KAT6A: variants seen among roughly 807,000 people sequenced by gnomAD.
KAT6A encodes the protein histone acetyltransferase KAT6A.
Under a neutral mutation model 198.4 loss-of-function variants are expected in KAT6A, and 9 were observed. The ratio of observed to expected loss-of-function variants is 0.05; its 90% CI spans 0.03 to 0.08. The LOEUF is 0.08. Among genes scored for constraint, KAT6A ranks in the 10% least tolerant of loss-of-function variants. KAT6A has a pLI of 1.00. For missense variants in KAT6A, 2,077 were observed against 2,509.9 expected, an observed-to-expected ratio of 0.83 and a Z score of 3.69; for synonymous variants, 890 against 883.0, an observed-to-expected ratio of 1.01 and a Z score of -0.14.
intron 8 of KAT6A, among the ~76,000 whole-genome samples, chr8:41,959,116 G>C (rs932793997): frequency 1.4e-5 from 2 of 145,692 alleles, no homozygotes; most frequent in African/African-American, 5.2e-5. Context: ...AGCCCAGATC[G>C]CGCCACTGCA....
chr8:41,953,315 C>T (rs1822757709), intron 9 of KAT6A, among the ~76,000 whole-genome samples: 1 of 152,132 alleles, frequency 6.6e-6, no homozygotes, highest in Admixed American at 6.5e-5. Context: ...TTCCATCTAT[C>T]TGTACTATAG....
rs758749446 is a variant in KAT6A, at chr8:41,933,753, G to T, written c.4467C>A (p.His1489Gln). ...HNSPISSVQS[H>Q]PSQSVRSVSS... ...TGACCGAACGGACTGACTGGCTGGG[G>T]TGAGACTGAACGGAGGAGATAGGGC... is the stretch of plus-strand genomic sequence containing the variant. The change falls in exon 17 of 17, where the codon CAC becomes CAA. Residue 1489 changes from histidine (H) to glutamine (Q), a missense_variant. Physicochemically the swap from His to Gln is conservative, Grantham distance 24. Around this residue, in one of 13 missense-constraint regions of KAT6A, gnomAD observed 178 missense variants for 220.8 expected, o/e 0.81. Coordinates refer to ENST00000265713, the MANE Select transcript of KAT6A (RefSeq NM_006766.5). This position sits in a 1 kb window ranked among gnomAD's most constrained non-coding sequence, Gnocchi z 6.2. 1.2e-6 allele frequency: 2 copies of T among 1,614,126 alleles called. No individual in the cohort carries two copies. The highest frequency in any genetic ancestry group is 1.1e-5 in the South Asian group (1 of 91,078).
intron 14 of KAT6A, among the ~76,000 whole-genome samples, chr8:41,941,831 G>A (rs1479396978): frequency 6.6e-6 from 1 of 152,154 alleles, no homozygotes; most frequent in African/African-American, 2.4e-5. Context: ...AATAAGCAAA[G>A]TGAATACTAT....
At chr8:41,975,495 G>A (rs987429113) in intron 7 of KAT6A, among the ~76,000 whole-genome samples, 3 of 152,118 alleles carry the variant, frequency 2.0e-5, no homozygotes, top group African/African-American at 7.2e-5. Context: ...TATAAGTATG[G>A]CTGAAAAGAC....
At chr8:42,043,720 C>A (rs923379625) in intron 2 of KAT6A, 3 of 152,150 alleles carry the variant, frequency 2.0e-5, no homozygotes, top group African/African-American at 7.2e-5. Flanking sequence ...GCAGTGATAG[C>A]CATCATACAT....
intron 9 of KAT6A, among the ~76,000 whole-genome samples, chr8:41,953,196 T>C (rs1400917132): frequency 6.6e-6 from 1 of 152,226 alleles, no homozygotes; most frequent in East Asian, 1.9e-4. Context: ...GAAAACAGTT[T>C]ATGATTCCAT....
chr8:41,933,946 A>G lies in KAT6A; in HGVS notation c.4274T>C (p.Val1425Ala), dbSNP rs1357562431. The G allele has an allele frequency of 1.9e-6, 3 of 1,613,834 alleles. No homozygotes were observed. Among genetic ancestry groups the G allele is most frequent in the Non-Finnish European group, 2.5e-6 (3 of 1,179,940 alleles). ...TTGAGTCAAAGACTGCACTGCCTGT[A>G]CAGTTTCCAGATCCAGCTCACTATG... Reference protein sequence around the residue: ...IPHSELDLETVQAVQSLTQEE... With the variant: ...IPHSELDLETAQAVQSLTQEE... The change falls in exon 17 of 17, where the codon GTA (valine) becomes GCA (alanine). Residue 1425 changes from valine to alanine, a missense_variant. Val to Ala is a moderately conservative substitution (Grantham distance 64). Coordinates refer to ENST00000265713, the MANE Select transcript of KAT6A (RefSeq NM_006766.5). This position sits in a 1 kb window ranked among gnomAD's most constrained non-coding sequence, Gnocchi z 6.2.
intron 8 of KAT6A, among the ~76,000 whole-genome samples, chr8:41,973,950 A>C (rs1162638175): frequency 6.6e-6 from 1 of 152,190 alleles, no homozygotes; most frequent in Non-Finnish European, 1.5e-5. Flanking sequence ...CATATTAATG[A>C]CATTACTTAT....
At chr8:41,957,677 C>A in intron 8 of KAT6A, 1 of 176,110 alleles carries the variant, frequency 5.7e-6, no homozygotes, top group South Asian at 1.2e-4. Context: ...AGATAACTAA[C>A]AGGGGGTAGC....
chr8:41,941,689 G>C (rs1000677971), intron 14 of KAT6A, among the ~76,000 whole-genome samples: 1 of 152,054 alleles, frequency 6.6e-6, no homozygotes, highest in Non-Finnish European at 1.5e-5. Context: ...TTACAAATGA[G>C]GCATGTGGGG....
At chr8:42,043,630 G>A (rs904863722) in intron 2 of KAT6A, 8 of 152,048 alleles carry the variant, frequency 5.3e-5, no homozygotes, top group South Asian at 2.1e-4. Flanking sequence ...CAATGAAGAC[G>A]GGCGGGAATT....
chr8:42,024,240 T>C (rs1191936022), intron 2 of KAT6A, among the ~76,000 whole-genome samples: 2 of 152,190 alleles, frequency 1.3e-5, no homozygotes, highest in African/African-American at 4.8e-5. Context: ...ACAAACATGC[T>C]GAGTAGTGCA....
intron 3 of KAT6A, among the ~76,000 whole-genome samples, chr8:41,983,798 T>C (rs771506794): frequency 2.1e-4 from 32 of 152,270 alleles, no homozygotes; most frequent in African/African-American, 7.0e-4. Context: ...AGGTCTGTTA[T>C]ATTTCAATTG....
chr8:41,989,768 A>T (rs965985355), intron 2 of KAT6A, among the ~76,000 whole-genome samples: 1 of 152,166 alleles, frequency 6.6e-6, no homozygotes, highest in African/African-American at 2.4e-5. Context: ...TGAAGAAGAG[A>T]GCTAAGGTGA....
chr8:42,004,987 G>GT (rs1825670723), intron 2 of KAT6A, among the ~76,000 whole-genome samples: 1 of 151,164 alleles, frequency 6.6e-6, no homozygotes, highest in African/African-American at 2.4e-5. Context: ...CAGTAGCCTT[G>GT]TAAGTCTAGC....
intron 9 of KAT6A, among the ~76,000 whole-genome samples, chr8:41,950,856 T>C (rs1253381256): frequency 6.6e-6 from 1 of 152,140 alleles, no homozygotes; most frequent in African/African-American, 2.4e-5. Context: ...TTGTACATGA[T>C]AAATATATAC....
chr8:42,018,351 A>G (rs1416702617), intron 2 of KAT6A, among the ~76,000 whole-genome samples: 1 of 151,968 alleles, frequency 6.6e-6, no homozygotes, highest in Non-Finnish European at 1.5e-5. Flanking sequence ...GTCTCTACTA[A>G]AATACAAAAA....
At chr8:41,974,100 C>G (rs942905523) in intron 8 of KAT6A, among the ~76,000 whole-genome samples, 2 of 150,778 alleles carry the variant, frequency 1.3e-5, no homozygotes, top group African/African-American at 4.9e-5. Context: ...TTTTGGAAGA[C>G]AGGGTCTCAC....
intron 2 of KAT6A, among the ~76,000 whole-genome samples, chr8:41,988,291 A>G (rs1302706689): frequency 6.6e-6 from 1 of 152,018 alleles, no homozygotes; most frequent in African/African-American, 2.4e-5. Flanking sequence ...AAGGGAGGGG[A>G]AAAAAAATAA....
Sources: gnomAD v4.1 joint callset for allele counts (sites outside exome capture counted in the v4.1 genomes callset) on GRCh38, gnomAD v4.1.1 for gene constraint, gnomAD v4.1.1 regional missense constraint, Gnocchi (gnomAD v3.1) non-coding constraint, MANE v1.5 for transcripts, NCBI Gene and HGNC (gene_info 2026-07-23, HGNC 2026-07-21) for gene names.